Variants in OR1J2 observed in about 807,000 individuals in gnomAD.
The protein encoded by OR1J2 is olfactory receptor 1J2.
For missense variants in OR1J2, 304 were observed against 246.1 expected (o/e 1.24, Z -1.57); for synonymous variants, 142 against 99.7 (o/e 1.42, Z -2.52).
upstream of OR1J2, among the ~76,000 whole-genome samples, chr9:122,505,948 G>A (rs1828518151): frequency 6.6e-6 from 1 of 151,914 alleles, no homozygotes; most frequent in Admixed American, 6.6e-5. Context: ...GTTTGTCAAT[G>A]AAACAATAAA....
chr9:122,461,376 T>G, the OR1J2 span, among the ~76,000 whole-genome samples: 2 of 150,378 alleles, frequency 1.3e-5, no homozygotes, highest in African/African-American at 4.9e-5. Context: ...ATAATCATGT[T>G]ATTATCCTAT....
chr9:122,493,003 A>T, the OR1J2 span, among the ~76,000 whole-genome samples: 1 of 152,120 alleles, frequency 6.6e-6, no homozygotes, highest in Non-Finnish European at 1.5e-5. Flanking sequence ...GTGGTGTATT[A>T]CATTTATTGA....
At chr9:122,476,830 C>T in the OR1J2 span, 8 of 586,528 alleles carry the variant, frequency 1.4e-5, no homozygotes, top group Non-Finnish European at 2.1e-5. Context: ...CTCAGTCTCC[C>T]GAGTAGCTGG....
At chr9:122,509,621 T>C (rs1405295552), upstream of OR1J2, among the ~76,000 whole-genome samples, 2 of 151,994 alleles carry the variant, frequency 1.3e-5, no homozygotes, top group Non-Finnish European at 2.9e-5. Context: ...TGACGTTAAA[T>C]GGAAATGTGC....
At chr9:122,503,906 A>G in the OR1J2 span, among the ~76,000 whole-genome samples, 1 of 152,260 alleles carries the variant, frequency 6.6e-6, no homozygotes, top group Middle Eastern at 3.4e-3. Flanking sequence ...ACAGAAGTCA[A>G]TTTTTAGCTC....
At chr9:122,510,797 G>A, upstream of OR1J2, 1 of 1,486,304 alleles carries the variant, frequency 6.7e-7, no homozygotes, top group Non-Finnish European at 9.2e-7. Context: ...AGAGGGCAAA[G>A]GAGTATGAGC....
chr9:122,568,390 CAA>C, the OR1J2 span: 1 of 1,613,774 alleles, frequency 6.2e-7, no homozygotes, highest in Non-Finnish European at 8.5e-7. Flanking sequence ...AGGAAGAGAA[CAA>C]AGAGTGTCTT....
the OR1J2 span, among the ~76,000 whole-genome samples, chr9:122,500,038 T>C: frequency 2.2e-4 from 33 of 152,348 alleles, no homozygotes; most frequent in East Asian, 1.2e-3. Context: ...TAGTTCTGGC[T>C]GTAGAGGTCG....
At chr9:122,462,444 A>G in the OR1J2 span, among the ~76,000 whole-genome samples, 5 of 152,164 alleles carry the variant, frequency 3.3e-5, no homozygotes, top group Non-Finnish European at 7.4e-5. Flanking sequence ...GTGAGATGCT[A>G]TTCTATTCAT....
chr9:122,549,984 T>G, the OR1J2 span, among the ~76,000 whole-genome samples: 1 of 152,170 alleles, frequency 6.6e-6, no homozygotes, highest in Non-Finnish European at 1.5e-5. Flanking sequence ...ATTCTTCCAA[T>G]CCATGATCAT....
the OR1J2 span, among the ~76,000 whole-genome samples, chr9:122,496,127 T>G: frequency 6.6e-6 from 1 of 152,204 alleles, no homozygotes; most frequent in Middle Eastern, 3.4e-3. Context: ...GGTCCTTGGT[T>G]GTGTTTTTAT....
the OR1J2 span, among the ~76,000 whole-genome samples, chr9:122,473,141 T>C: frequency 1.3e-5 from 2 of 152,228 alleles, no homozygotes; most frequent in Non-Finnish European, 2.9e-5. Flanking sequence ...AACTTACTGA[T>C]TGTTGGATCT....
At chr9:122,554,732 C>A in the OR1J2 span, among the ~76,000 whole-genome samples, 4 of 152,044 alleles carry the variant, frequency 2.6e-5, no homozygotes, top group African/African-American at 4.8e-5. Flanking sequence ...TGAATGATAA[C>A]AATAGGAGAA....
the OR1J2 span, among the ~76,000 whole-genome samples, chr9:122,498,801 C>T: frequency 1.3e-5 from 2 of 151,926 alleles, no homozygotes; most frequent in African/African-American, 2.4e-5. Context: ...GGATTTTTTC[C>T]TTTTCTTTCT....
the OR1J2 span, among the ~76,000 whole-genome samples, chr9:122,491,202 T>A: frequency 6.6e-6 from 1 of 152,180 alleles, no homozygotes; most frequent in Admixed American, 6.5e-5. Flanking sequence ...GAGTGTATGG[T>A]TGTGCTATTC....
the OR1J2 span, among the ~76,000 whole-genome samples, chr9:122,562,569 C>T: frequency 0.58 from 88,337 of 151,926 alleles, 26,197 homozygotes; most frequent in East Asian, 0.97. Context: ...GTGGGGACTC[C>T]CCTGCCCTGT....
At chr9:122,548,805 TG>T in the OR1J2 span, among the ~76,000 whole-genome samples, 5 of 41,130 alleles carry the variant, frequency 1.2e-4, 1 homozygote, top group South Asian at 9.3e-3. Context: ...CTGTGTGTTT[TG>T]TTGTTGTTGT....
At chr9:122,489,317 A>G in the OR1J2 span, among the ~76,000 whole-genome samples, 1 of 152,092 alleles carries the variant, frequency 6.6e-6, no homozygotes, top group South Asian at 2.1e-4. Context: ...CAGACTACGG[A>G]GGATTCACCA....
At chr9:122,558,749 T>G in the OR1J2 span, among the ~76,000 whole-genome samples, 1 of 151,954 alleles carries the variant, frequency 6.6e-6, no homozygotes. Context: ...TTAAGATTCA[T>G]GTAATTATTA....
Sources: gnomAD v4.1 joint callset for allele counts (sites outside exome capture counted in the v4.1 genomes callset) on GRCh38, gnomAD v4.1.1 for gene constraint, MANE v1.5 for transcripts, NCBI Gene and HGNC (gene_info 2026-07-23, HGNC 2026-07-21) for gene names.